ZBTB46: variants seen among roughly 807,000 people sequenced by gnomAD.
ZBTB46 encodes the protein zinc finger and BTB domain-containing protein 46.
Under a neutral mutation model 44.1 loss-of-function variants are expected in ZBTB46, and 8 were observed. That is an observed-to-expected ratio of 0.18 (90% CI 0.11 to 0.33). The LOEUF (loss-of-function observed/expected upper bound fraction) is 0.33, where lower values mean the gene tolerates loss of function less well. ZBTB46 is among the 10% of genes least tolerant of loss of function. ZBTB46 has a pLI of 1.00. For synonymous variants in ZBTB46, 409 were observed against 382.3 expected (o/e 1.07, Z -0.81); for missense variants, 651 against 847.7 (o/e 0.77, Z 2.88).
At chr20:63,783,586 C>G (rs895739810) in intron 2 of ZBTB46, among the ~76,000 whole-genome samples, 1 of 152,174 alleles carries the variant, frequency 6.6e-6, no homozygotes, top group Admixed American at 6.6e-5. Context: ...GTGATCAAAG[C>G]TGATTGCAGG....
chr20:63,822,990 G>A (rs1173868225), intron 1 of ZBTB46, among the ~76,000 whole-genome samples: 16 of 103,428 alleles, frequency 1.5e-4, no homozygotes, highest in Non-Finnish European at 2.7e-4. Flanking sequence ...GACAAACCCC[G>A]TCTGTACTAA....
intron 1 of ZBTB46, among the ~76,000 whole-genome samples, chr20:63,824,111 C>A (rs11086129): frequency 6.6e-6 from 1 of 151,954 alleles, no homozygotes; most frequent in African/African-American, 2.4e-5. Context: ...CAAGCAGACA[C>A]GTCCCACCTA....
chr20:63,782,097 A>AAG (rs1568862587), intron 2 of ZBTB46, among the ~76,000 whole-genome samples: 1 of 45,120 alleles, frequency 2.2e-5, no homozygotes, highest in East Asian at 4.8e-4. Context: ...AAAAAAAAAA[A>AAG]AAAGAAAAGA....
chr20:63,802,214 G>C (rs977853159), intron 1 of ZBTB46, among the ~76,000 whole-genome samples: 2 of 152,138 alleles, frequency 1.3e-5, no homozygotes, highest in East Asian at 3.8e-4. Context: ...CTTGAGGCCA[G>C]GAGTTTGAGA....
chr20:63,762,831 GGTTA>G (rs1299860838), intron 3 of ZBTB46, among the ~76,000 whole-genome samples: 9 of 152,046 alleles, frequency 5.9e-5, no homozygotes, highest in African/African-American at 1.9e-4. Flanking sequence ...CTTTCTTTTT[GGTTA>G]GTGTTTGCTT....
chr20:63,790,008 T>C lies in ZBTB46; in HGVS notation c.750A>G (p.Ala250=). 1 of 1,614,130 alleles carries C rather than the reference T, an allele frequency of 6.2e-7. No individual in the cohort carries two copies. Among genetic ancestry groups the C allele is most frequent in the Non-Finnish European group, 8.5e-7 (1 of 1,180,026 alleles). The change falls in exon 2 of 5, where the codon GCA becomes GCG. Residue 250 remains alanine, a synonymous_variant. Transcript: ENST00000245663. ...TCTGCTCTGAGAAAGAGTTCTGTAC[T>C]GCACCGTCCTTGGCAGAAGGCAGCT... is the stretch of plus-strand genomic sequence containing the variant. ...GSELPSAKDG[A]VQNSFSEQSA... is the part of the protein sequence containing the mutation.
At chr20:63,757,115 G>A (rs1281765330) in intron 3 of ZBTB46, among the ~76,000 whole-genome samples, 1 of 152,094 alleles carries the variant, frequency 6.6e-6, no homozygotes, top group African/African-American at 2.4e-5. Context: ...CAGAACTAGG[G>A]GTCAAGATTC....
At chr20:63,765,276 G>A (rs1029209330) in intron 3 of ZBTB46, among the ~76,000 whole-genome samples, 19 of 152,084 alleles carry the variant, frequency 1.2e-4, no homozygotes, top group Non-Finnish European at 2.6e-4. Context: ...GTACACTGCC[G>A]TCCGCTCAGG....
At chr20:63,766,022 G>A (rs921339919) in intron 3 of ZBTB46, among the ~76,000 whole-genome samples, 9 of 151,880 alleles carry the variant, frequency 5.9e-5, no homozygotes, top group Non-Finnish European at 1.0e-4. Context: ...GCCCACCCTG[G>A]AGAGCAAAAG....
chr20:63,794,719 C>T (rs896811363), intron 1 of ZBTB46, among the ~76,000 whole-genome samples: 20 of 152,292 alleles, frequency 1.3e-4, no homozygotes, highest in South Asian at 8.3e-4. Context: ...TACTCAGGCT[C>T]GACACGCAAG....
At chr20:63,756,921 A>G (rs1172934974) in intron 3 of ZBTB46, among the ~76,000 whole-genome samples, 1 of 152,208 alleles carries the variant, frequency 6.6e-6, no homozygotes, top group Non-Finnish European at 1.5e-5. Context: ...CTATTGAACA[A>G]TGGAGATCTG....
intron 3 of ZBTB46, among the ~76,000 whole-genome samples, chr20:63,758,640 A>ACACACG (rs912862594): frequency 8.6e-5 from 13 of 152,016 alleles, no homozygotes; most frequent in African/African-American, 3.1e-4. Flanking sequence ...CAGTTTACTC[A>ACACACG]CACACGCACG....
chr20:63,757,415 G>A (rs545183886), intron 3 of ZBTB46, among the ~76,000 whole-genome samples: 13 of 152,194 alleles, frequency 8.5e-5, no homozygotes, highest in African/African-American at 9.6e-5. Flanking sequence ...GAGCCATCGC[G>A]CCTGGCCACG....
upstream of ZBTB46, among the ~76,000 whole-genome samples, chr20:63,833,767 C>T (rs962670075): frequency 6.6e-6 from 1 of 152,166 alleles, no homozygotes; most frequent in African/African-American, 2.4e-5. Context: ...GGTCAAGCAG[C>T]CTGGAGACGA....
intron 2 of ZBTB46, among the ~76,000 whole-genome samples, chr20:63,779,248 T>A (rs1265366092): frequency 6.6e-6 from 1 of 151,774 alleles, no homozygotes; most frequent in Non-Finnish European, 1.5e-5. Flanking sequence ...TTAATTTATT[T>A]ATTTATTTTG....
At chr20:63,780,433 T>A (rs2092459553) in intron 2 of ZBTB46, among the ~76,000 whole-genome samples, 1 of 152,084 alleles carries the variant, frequency 6.6e-6, no homozygotes, top group South Asian at 2.1e-4. Flanking sequence ...TCACGCCACA[T>A]ACAAAAAAAC....
chr20:63,767,264 T>C lies in ZBTB46; in HGVS notation c.1222+8414A>G, dbSNP rs1048560159. On this transcript the variant is annotated intron_variant, in intron 3 of 4. Coordinates refer to ENST00000245663, the MANE Select transcript of ZBTB46 (RefSeq NM_001369741.1). The surrounding 1 kb of genome is among the most constrained non-coding windows in gnomAD (Gnocchi z 5.0). ...CACTTCCCACGGATGGGGACATGTT[T>C]TCCCGCCCCTGAAAGCCCCCCGTCC... 6.6e-6 allele frequency among the ~76,000 whole-genome samples: 1 copy of C among 152,050 alleles called. No homozygotes were observed. The highest frequency in any genetic ancestry group is 6.5e-5 in the Admixed American group (1 of 15,276).
chr20:63,773,663 G>A (rs1314912034), intron 3 of ZBTB46, among the ~76,000 whole-genome samples: 3 of 151,916 alleles, frequency 2.0e-5, no homozygotes, highest in African/African-American at 7.2e-5. Context: ...GCCACCGGCC[G>A]CACCCAAGCT....
chr20:63,810,859 G>A (rs1393598025), intron 1 of ZBTB46, among the ~76,000 whole-genome samples: 1 of 152,242 alleles, frequency 6.6e-6, no homozygotes, highest in African/African-American at 2.4e-5. Context: ...TGAACAGAGC[G>A]CGAACATGAG....
Sources: gnomAD v4.1 joint callset for allele counts (sites outside exome capture counted in the v4.1 genomes callset) on GRCh38, gnomAD v4.1.1 for gene constraint, Gnocchi (gnomAD v3.1) non-coding constraint, MANE v1.5 for transcripts, NCBI Gene and HGNC (gene_info 2026-07-23, HGNC 2026-07-21) for gene names.